SGCD: variants seen among roughly 807,000 people sequenced by gnomAD.
SGCD encodes delta-sarcoglycan.
A neutral mutation model predicts 36.6 loss-of-function variants in SGCD; 18 were observed. The observed-to-expected ratio is 0.49, with a 90% confidence interval of 0.34 to 0.73. SGCD has a LOEUF of 0.73. SGCD is among the 30% of genes least tolerant of loss of function. The pLI, the probability that SGCD is intolerant of heterozygous loss-of-function variation, is 0.01. For missense variants in SGCD, 387 were observed against 346.7 expected, an observed-to-expected ratio of 1.12 and a Z score of -0.92; for synonymous variants, 133 against 130.6, an observed-to-expected ratio of 1.02 and a Z score of -0.12.
At chr5:156,226,608 G>A (rs1764865987) in intron 3 of SGCD, among the ~76,000 whole-genome samples, 1 of 152,126 alleles carries the variant, frequency 6.6e-6, no homozygotes, top group Non-Finnish European at 1.5e-5. Context: ...GGATCAAATG[G>A]TAGTCCTACT....
chr5:156,397,730 G>A (rs749672878), intron 3 of SGCD, among the ~76,000 whole-genome samples: 2 of 152,114 alleles, frequency 1.3e-5, no homozygotes, highest in Non-Finnish European at 2.9e-5. Flanking sequence ...CCAGCCACGC[G>A]GAGCCCTCCT....
intron 1 of SGCD, among the ~76,000 whole-genome samples, chr5:156,019,931 C>T (rs1759063485): frequency 6.6e-6 from 1 of 152,188 alleles, no homozygotes. Flanking sequence ...GCTCCTGCTA[C>T]TTATGCACCT....
intron 3 of SGCD, among the ~76,000 whole-genome samples, chr5:156,493,627 C>G (rs1756042005): frequency 6.6e-6 from 1 of 152,092 alleles, no homozygotes; most frequent in Non-Finnish European, 1.5e-5. Flanking sequence ...TGGGTAATAC[C>G]TGGCATGGTA....
At chr5:156,119,005 A>T (rs1310722286) in intron 2 of SGCD, among the ~76,000 whole-genome samples, 1 of 152,108 alleles carries the variant, frequency 6.6e-6, no homozygotes, top group Non-Finnish European at 1.5e-5. Context: ...TAGAAAATAT[A>T]ATCAATATTT....
At chr5:156,438,137 G>A (rs563140968) in intron 3 of SGCD, among the ~76,000 whole-genome samples, 37 of 152,294 alleles carry the variant, frequency 2.4e-4, no homozygotes, top group East Asian at 1.9e-3. Flanking sequence ...CAGATGTGAG[G>A]ACAGTAGGAA....
chr5:156,027,410 C>T lies in SGCD; in HGVS notation c.-281-90468C>T, dbSNP rs111229033. Among the ~76,000 whole-genome samples, 1,043 of 152,224 alleles carry T rather than the reference C, an allele frequency of 6.9e-3. 12 individuals carry two copies. The highest frequency in any genetic ancestry group is 0.024 in the African/African-American group (987 of 41,536). ...GAGGACCTGCCTATGTGGGGACAAACAAAATGGAATAATGCCAATACAAAT... is the reference window on the plus strand; with the variant it reads ...GAGGACCTGCCTATGTGGGGACAAATAAAATGGAATAATGCCAATACAAAT... On this transcript the variant is annotated intron_variant, in intron 1 of 9. Coordinates refer to the SGCD transcript ENST00000517913.
intron 1 of SGCD, among the ~76,000 whole-genome samples, chr5:156,004,897 C>G (rs947199691): frequency 2.0e-5 from 3 of 152,150 alleles, no homozygotes; most frequent in African/African-American, 7.2e-5. Flanking sequence ...GGGAGGGCAA[C>G]AGTGGCACAG....
chr5:156,588,457 G>A (rs75093674), intron 4 of SGCD, among the ~76,000 whole-genome samples: 2,672 of 152,230 alleles, frequency 0.018, 31 homozygotes, highest in Non-Finnish European at 0.029. Flanking sequence ...GCAGAGTTGA[G>A]TAGTTACAAC....
intron 4 of SGCD, among the ~76,000 whole-genome samples, chr5:156,562,728 G>T (rs1225239925): frequency 6.6e-6 from 1 of 152,042 alleles, no homozygotes; most frequent in East Asian, 1.9e-4. Context: ...AACAGGCGAT[G>T]GTGGTCTGAG....
the SGCD span, among the ~76,000 whole-genome samples, chr5:155,801,743 T>C: frequency 6.6e-6 from 1 of 152,242 alleles, no homozygotes; most frequent in Non-Finnish European, 1.5e-5. Context: ...TGTCACAGAT[T>C]CTGTTACATA....
chr5:156,171,700 CT>C (rs1173537051), intron 3 of SGCD, among the ~76,000 whole-genome samples: 1 of 152,070 alleles, frequency 6.6e-6, no homozygotes, highest in Non-Finnish European at 1.5e-5. Context: ...TAAAATTCTT[CT>C]GTAAATTTTA....
At chr5:156,225,080 G>A (rs1764816922) in intron 3 of SGCD, among the ~76,000 whole-genome samples, 1 of 151,980 alleles carries the variant, frequency 6.6e-6, no homozygotes, top group Admixed American at 6.6e-5. Context: ...CATCACCAAT[G>A]GCATTGTTGT....
intron 2 of SGCD, among the ~76,000 whole-genome samples, chr5:156,341,920 C>A (rs762385844): frequency 8.5e-5 from 13 of 152,138 alleles, no homozygotes; most frequent in Non-Finnish European, 1.6e-4. Context: ...CCATGTTGGC[C>A]AGGCTGGTCT....
chr5:156,197,472 C>CTGTTTTT (rs1554083377), intron 3 of SGCD, among the ~76,000 whole-genome samples: 1 of 134,000 alleles, frequency 7.5e-6, no homozygotes, highest in African/African-American at 2.7e-5. Flanking sequence ...AATAGTTTTC[C>CTGTTTTT]TTTTTTTTTT....
At chr5:156,381,793 T>C (rs1447401181) in intron 3 of SGCD, among the ~76,000 whole-genome samples, 2 of 152,130 alleles carry the variant, frequency 1.3e-5, no homozygotes, top group East Asian at 3.9e-4. Context: ...GACAGTCCGC[T>C]CAAAGCTGGG....
At chr5:155,769,634 T>C in the SGCD span, among the ~76,000 whole-genome samples, 3 of 152,160 alleles carry the variant, frequency 2.0e-5, no homozygotes, top group Admixed American at 2.0e-4. Context: ...CTTGGCATAG[T>C]CCTGGAGGAT....
At chr5:156,683,346 C>T (rs140082836) in intron 7 of SGCD, among the ~76,000 whole-genome samples, 1 of 152,138 alleles carries the variant, frequency 6.6e-6, no homozygotes, top group Non-Finnish European at 1.5e-5. Context: ...AAGCATCATG[C>T]GGACAGGGTA....
chr5:156,671,641 T>C (rs894968620), intron 7 of SGCD, among the ~76,000 whole-genome samples: 4 of 152,142 alleles, frequency 2.6e-5, no homozygotes, highest in African/African-American at 7.2e-5. Context: ...ATGGGACTTA[T>C]TGGGTGGCAG....
At chr5:155,971,436 C>G (rs1475832689) in intron 1 of SGCD, among the ~76,000 whole-genome samples, 1 of 152,108 alleles carries the variant, frequency 6.6e-6, no homozygotes, top group Non-Finnish European at 1.5e-5. Flanking sequence ...GGTTACAATA[C>G]AGTTTTTATT....
Sources: gnomAD v4.1 joint callset for allele counts (sites outside exome capture counted in the v4.1 genomes callset) on GRCh38, gnomAD v4.1.1 for gene constraint, MANE v1.5 for transcripts, NCBI Gene and HGNC (gene_info 2026-07-23, HGNC 2026-07-21) for gene names.